The following OTUD7A variants were observed in gnomAD, a reference collection of about 807,000 sequenced individuals.
OTUD7A encodes OTU domain-containing protein 7A.
In OTUD7A, 12 loss-of-function variants were observed where a neutral mutation model predicts 65.7. That is an observed-to-expected ratio of 0.18 (90% CI 0.12 to 0.30). OTUD7A has a LOEUF of 0.30. OTUD7A is among the 10% of genes least tolerant of loss of function. The pLI is 1.00. For synonymous variants in OTUD7A, 641 were observed against 586.3 expected (o/e 1.09, Z -1.35); for missense variants, 1,148 against 1,304.8 (o/e 0.88, Z 1.85).
intron 12 of OTUD7A, among the ~76,000 whole-genome samples, chr15:31,485,148 G>T (rs2041219029): frequency 6.6e-6 from 1 of 152,154 alleles, no homozygotes; most frequent in Admixed American, 6.5e-5. Context: ...TCCCCCACTG[G>T]CAAGGCCGCC....
chr15:31,733,234 T>C (rs1469232255), intron 1 of OTUD7A, among the ~76,000 whole-genome samples: 3 of 152,164 alleles, frequency 2.0e-5, no homozygotes, highest in Non-Finnish European at 4.4e-5. Context: ...AGAGCCCAGC[T>C]CAGAGCAAAT....
intron 1 of OTUD7A, among the ~76,000 whole-genome samples, chr15:31,772,203 G>A (rs952134023): frequency 2.8e-5 from 4 of 140,966 alleles, no homozygotes; most frequent in Non-Finnish European, 6.0e-5. Context: ...AGTGAGCCGA[G>A]ATCCCGCCAC....
intron 3 of OTUD7A, among the ~76,000 whole-genome samples, chr15:31,633,405 C>T (rs1383767466): frequency 1.3e-5 from 2 of 152,174 alleles, no homozygotes; most frequent in Non-Finnish European, 2.9e-5. Context: ...TCAGATGATC[C>T]TCTGCAGTGA....
chr15:31,523,871 G>C (rs1477813178), intron 8 of OTUD7A, among the ~76,000 whole-genome samples: 1 of 152,218 alleles, frequency 6.6e-6, no homozygotes, highest in African/African-American at 2.4e-5. Context: ...TGAATTCTTG[G>C]AGCAGGTGAG....
intron 8 of OTUD7A, among the ~76,000 whole-genome samples, chr15:31,524,864 C>A (rs1282606375): frequency 6.6e-6 from 1 of 152,198 alleles, no homozygotes; most frequent in East Asian, 1.9e-4. Context: ...CACCAAGTGG[C>A]CCCTGTGTCC....
intron 3 of OTUD7A, among the ~76,000 whole-genome samples, chr15:31,582,884 G>A (rs116361969): frequency 0.032 from 4,884 of 152,246 alleles, 247 homozygotes; most frequent in African/African-American, 0.11. Flanking sequence ...ACTGGAGGGA[G>A]AAGGGAGGGA....
At chr15:31,690,767 T>C (rs560029184) in intron 1 of OTUD7A, among the ~76,000 whole-genome samples, 3 of 152,280 alleles carry the variant, frequency 2.0e-5, no homozygotes, top group South Asian at 2.1e-4. Flanking sequence ...TAACATTGTA[T>C]GCAAAAATTA....
chr15:31,683,526 A>C (rs909044973), intron 1 of OTUD7A, among the ~76,000 whole-genome samples: 5 of 152,208 alleles, frequency 3.3e-5, no homozygotes, highest in African/African-American at 1.2e-4. Flanking sequence ...CTCAGTTTTG[A>C]AATGAGGATA....
chr15:31,519,038 C>T (rs990161923), intron 8 of OTUD7A, among the ~76,000 whole-genome samples: 9 of 152,204 alleles, frequency 5.9e-5, no homozygotes, highest in Admixed American at 4.6e-4. Flanking sequence ...AGGAACAAGA[C>T]TTATTGCTTA....
intron 3 of OTUD7A, among the ~76,000 whole-genome samples, chr15:31,631,161 T>C (rs1595670927): frequency 1.3e-5 from 2 of 152,332 alleles, no homozygotes. Flanking sequence ...GATCGTTAGT[T>C]GATGCAGTTT....
chr15:31,629,171 A>T (rs1462775175), intron 3 of OTUD7A, among the ~76,000 whole-genome samples: 1 of 152,150 alleles, frequency 6.6e-6, no homozygotes, highest in Non-Finnish European at 1.5e-5. Context: ...GTCTTATGCC[A>T]GTTTTCAAAG....
intron 5 of OTUD7A, among the ~76,000 whole-genome samples, chr15:31,553,849 C>G (rs1028224896): frequency 6.6e-6 from 1 of 152,112 alleles, no homozygotes; most frequent in African/African-American, 2.4e-5. Flanking sequence ...CCAGCTTCTT[C>G]TCTTACCACC....
At chr15:31,566,769 C>G (rs1888889322) in intron 4 of OTUD7A, among the ~76,000 whole-genome samples, 1 of 152,174 alleles carries the variant, frequency 6.6e-6, no homozygotes, top group South Asian at 2.1e-4. Flanking sequence ...GCACCTCCCA[C>G]CCACCACTCT....
At chr15:31,815,933 C>T (rs930829921) in intron 1 of OTUD7A, among the ~76,000 whole-genome samples, 6 of 152,210 alleles carry the variant, frequency 3.9e-5, no homozygotes, top group African/African-American at 1.2e-4. Flanking sequence ...TGTTCCCAGC[C>T]GGCACAGCAG....
intron 5 of OTUD7A, among the ~76,000 whole-genome samples, chr15:31,542,396 A>T (rs1888012302): frequency 6.6e-6 from 1 of 152,130 alleles, no homozygotes; most frequent in South Asian, 2.1e-4. Context: ...AAAGTAAAAA[A>T]GTAAGAATCA....
chr15:31,867,069 C>T (rs1213527938), intron 1 of OTUD7A, among the ~76,000 whole-genome samples: 1 of 152,108 alleles, frequency 6.6e-6, no homozygotes, highest in African/African-American at 2.4e-5. Flanking sequence ...GCTGCAATGA[C>T]CATCTAAGCA....
At chr15:31,653,255 CA>C (rs113670546) in intron 3 of OTUD7A, among the ~76,000 whole-genome samples, 352 of 122,486 alleles carry the variant, frequency 2.9e-3, no homozygotes, top group Admixed American at 3.0e-3. Context: ...TCTGTGTCAC[CA>C]AAAAAAAAAA....
At chr15:31,642,294 T>C (rs182883752) in intron 3 of OTUD7A, among the ~76,000 whole-genome samples, 218 of 152,348 alleles carry the variant, frequency 1.4e-3, no homozygotes, top group African/African-American at 4.9e-3. Flanking sequence ...ATCCTTTTTA[T>C]ATGCTGCCAA....
intron 1 of OTUD7A, among the ~76,000 whole-genome samples, chr15:31,736,732 T>C (rs1894203250): frequency 6.6e-6 from 1 of 150,814 alleles, no homozygotes; most frequent in Non-Finnish European, 1.5e-5. Context: ...AATATAAATG[T>C]AAAATAAAAT....
Sources: gnomAD v4.1 joint callset for allele counts (sites outside exome capture counted in the v4.1 genomes callset) on GRCh38, gnomAD v4.1.1 for gene constraint, MANE v1.5 for transcripts, NCBI Gene and HGNC (gene_info 2026-07-23, HGNC 2026-07-21) for gene names.